LNX1: variants seen among roughly 807,000 people sequenced by gnomAD.
The protein encoded by LNX1 is E3 ubiquitin-protein ligase LNX.
Under a neutral mutation model 68.4 loss-of-function variants are expected in LNX1, and 54 were observed. The observed-to-expected ratio is 0.79, with a 90% CI of 0.63 to 0.99. The LOEUF (loss-of-function observed/expected upper bound fraction) is 0.99. Among genes scored for constraint, LNX1 ranks in the 50% least tolerant of loss-of-function variants. LNX1 has a pLI of 0.00. For missense variants in LNX1, 906 were observed against 926.4 expected, an observed-to-expected ratio of 0.98 and a Z score of 0.29; for synonymous variants, 336 against 350.0, an observed-to-expected ratio of 0.96 and a Z score of 0.45.
At chr4:53,534,555 T>C (rs892742085) in intron 2 of LNX1, among the ~76,000 whole-genome samples, 1 of 152,118 alleles carries the variant, frequency 6.6e-6, no homozygotes, top group Non-Finnish European at 1.5e-5. Flanking sequence ...GGTGGGAGGA[T>C]CACTTAAACC....
At chr4:53,600,879 C>T (rs1178726309) in intron 2 of LNX1, among the ~76,000 whole-genome samples, 7 of 149,202 alleles carry the variant, frequency 4.7e-5, no homozygotes, top group Non-Finnish European at 8.9e-5. Context: ...TACAGGTGCC[C>T]ACCACCACAC....
At chr4:53,645,169 C>T (rs962156632) in intron 1 of LNX1, among the ~76,000 whole-genome samples, 33 of 152,028 alleles carry the variant, frequency 2.2e-4, no homozygotes, top group Admixed American at 1.4e-3. Context: ...AAAAACACTC[C>T]GGGATACACG....
chr4:53,577,432 C>T (rs1323918148), intron 1 of LNX1, among the ~76,000 whole-genome samples: 1 of 152,094 alleles, frequency 6.6e-6, no homozygotes, highest in Non-Finnish European at 1.5e-5. Flanking sequence ...TGGGCCATTC[C>T]CTTGTTGGTG....
chr4:53,505,652 ACAGACATTTAGTGGACACTTATGTGC>A (rs1490596063), intron 4 of LNX1, among the ~76,000 whole-genome samples: 1 of 152,248 alleles, frequency 6.6e-6, no homozygotes, highest in East Asian at 1.9e-4. Context: ...TAGCCATTGC[ACAGACATTTAGTGGACACTTATGTGC>A]CAGACACTGT....
chr4:53,480,087 C>T (rs1016875138), intron 7 of LNX1, among the ~76,000 whole-genome samples: 2 of 152,116 alleles, frequency 1.3e-5, no homozygotes, highest in African/African-American at 4.8e-5. Flanking sequence ...TGTTTAAGCT[C>T]TTATTTTTAA....
chr4:53,599,862 G>A (rs1732916232), intron 2 of LNX1, among the ~76,000 whole-genome samples: 1 of 152,182 alleles, frequency 6.6e-6, no homozygotes, highest in South Asian at 2.1e-4. Flanking sequence ...TGGGTAGAAA[G>A]ACTATGTATA....
At chr4:53,528,829 A>T (rs1411569242) in intron 2 of LNX1, among the ~76,000 whole-genome samples, 1 of 152,168 alleles carries the variant, frequency 6.6e-6, no homozygotes, top group African/African-American at 2.4e-5. Flanking sequence ...GATCAAACCT[A>T]GCCAATCAGG....
chr4:53,492,506 T>TGAGAGAGA (rs58715153), intron 6 of LNX1, among the ~76,000 whole-genome samples: 4,088 of 88,902 alleles, frequency 0.046, 327 homozygotes, highest in Middle Eastern at 0.16. Flanking sequence ...CAGAGGGCTC[T>TGAGAGAGA]GAGAGAGAGA....
intron 4 of LNX1, among the ~76,000 whole-genome samples, chr4:53,502,744 A>G (rs1725594333): frequency 6.6e-6 from 1 of 152,338 alleles, no homozygotes; most frequent in South Asian, 2.1e-4. Context: ...TCAATCCTCT[A>G]CTAACCTTGC....
At chr4:53,507,828 T>TA (rs1315286497) in intron 3 of LNX1, among the ~76,000 whole-genome samples, 158 bp downstream of exon 3, 1 of 152,224 alleles carries the variant, frequency 6.6e-6, no homozygotes, top group Non-Finnish European at 1.5e-5. Context: ...ACTTGCGGTT[T>TA]CATTTCACTT....
intron 2 of LNX1, among the ~76,000 whole-genome samples, chr4:53,600,634 T>C (rs1387198215): frequency 6.6e-6 from 1 of 152,192 alleles, no homozygotes; most frequent in African/African-American, 2.4e-5. Flanking sequence ...GAAGTTCATT[T>C]GACTTTTCTC....
chr4:53,561,321 A>C (rs1414140113), intron 2 of LNX1, among the ~76,000 whole-genome samples: 1 of 151,944 alleles, frequency 6.6e-6, no homozygotes, highest in Non-Finnish European at 1.5e-5. Context: ...TCCGCCTCCC[A>C]GGTTCAAACG....
chr4:53,545,056 G>A (rs1411544555), intron 2 of LNX1, among the ~76,000 whole-genome samples: 5 of 152,180 alleles, frequency 3.3e-5, no homozygotes, highest in Non-Finnish European at 7.3e-5. Flanking sequence ...GCATCTAAGA[G>A]GGAAGGATTA....
At chr4:53,534,774 A>G (rs981224497) in intron 2 of LNX1, among the ~76,000 whole-genome samples, 10 of 152,246 alleles carry the variant, frequency 6.6e-5, no homozygotes, top group Non-Finnish European at 1.2e-4. Context: ...GAGAGTACCA[A>G]ATCAAGAGTC....
intron 4 of LNX1, among the ~76,000 whole-genome samples, chr4:53,499,794 T>C (rs1328268168): frequency 6.6e-6 from 1 of 152,216 alleles, no homozygotes; most frequent in Non-Finnish European, 1.5e-5. Flanking sequence ...TGATTCATGA[T>C]CAAGAAGAGG....
intron 2 of LNX1, among the ~76,000 whole-genome samples, chr4:53,563,442 C>T (rs1476904016): frequency 6.6e-6 from 1 of 152,204 alleles, no homozygotes; most frequent in African/African-American, 2.4e-5. Context: ...TTCTTAATAT[C>T]CCTCCTAAGG....
At chr4:53,560,799 A>G (rs1183547042) in intron 2 of LNX1, among the ~76,000 whole-genome samples, 5 of 152,236 alleles carry the variant, frequency 3.3e-5, no homozygotes, top group Non-Finnish European at 4.4e-5. Flanking sequence ...TTTGTATTAC[A>G]TGAGAAAAAC....
chr4:53,490,229 C>G (rs1724586482), intron 6 of LNX1, among the ~76,000 whole-genome samples: 1 of 152,114 alleles, frequency 6.6e-6, no homozygotes, highest in Admixed American at 6.6e-5. Flanking sequence ...GTTTCTGCAT[C>G]AAGTCTGGAA....
chr4:53,508,475 A>G (rs1246197892), intron 2 of LNX1: 17 of 463,782 alleles, frequency 3.7e-5, no homozygotes, highest in African/African-American at 3.3e-4. Context: ...CAATCTCTAC[A>G]TTGGCTGCTG....
Sources: gnomAD v4.1 joint callset for allele counts (sites outside exome capture counted in the v4.1 genomes callset) on GRCh38, gnomAD v4.1.1 for gene constraint, MANE v1.5 for transcripts, NCBI Gene and HGNC (gene_info 2026-07-23, HGNC 2026-07-21) for gene names.